Variants in DAB1 observed in about 807,000 individuals in gnomAD.
DAB1 encodes the protein DAB adaptor protein 1, also known as disabled homolog 1.
DAB1 carries 15 observed loss-of-function variants against 64.6 expected under a neutral mutation model. The observed-to-expected ratio is 0.23, with a 90% CI of 0.16 to 0.36. DAB1 has a LOEUF of 0.36. Among genes scored for constraint, DAB1 ranks in the 10% least tolerant of loss-of-function variants. The probability of loss-of-function intolerance (pLI) is 1.00; values close to 1 mark genes in which losing one functional copy is unlikely to be tolerated. For synonymous variants in DAB1, 235 were observed against 251.9 expected, an observed-to-expected ratio of 0.93 and a Z score of 0.64; for missense variants, 596 against 706.7, an observed-to-expected ratio of 0.84 and a Z score of 1.78.
intron 4 of DAB1, among the ~76,000 whole-genome samples, chr1:57,082,720 T>A (rs534949773): frequency 6.6e-6 from 1 of 152,150 alleles, no homozygotes; most frequent in East Asian, 1.9e-4. Context: ...GTTGTTCCCC[T>A]CCCTGTGTCC....
intron 1 of DAB1, among the ~76,000 whole-genome samples, chr1:57,294,058 A>G (rs763738799): frequency 2.0e-5 from 3 of 152,158 alleles, no homozygotes; most frequent in Non-Finnish European, 4.4e-5. Flanking sequence ...TTAATTTTCC[A>G]AAAGGCAGAG....
At chr1:58,100,642 G>A (rs1476626383) in intron 5 of DAB1, among the ~76,000 whole-genome samples, 3 of 152,074 alleles carry the variant, frequency 2.0e-5, no homozygotes, top group Non-Finnish European at 4.4e-5. Context: ...CCACCAAACT[G>A]TTTTCTACCC....
chr1:57,289,571 T>C (rs1443531282), intron 2 of DAB1, among the ~76,000 whole-genome samples: 3 of 152,152 alleles, frequency 2.0e-5, no homozygotes, highest in Non-Finnish European at 4.4e-5. Flanking sequence ...AAAAGCAAAA[T>C]TTATAGTCCT....
chr1:57,590,266 C>A (rs1163853543), intron 7 of DAB1, among the ~76,000 whole-genome samples: 2 of 151,934 alleles, frequency 1.3e-5, no homozygotes, highest in African/African-American at 4.8e-5. Flanking sequence ...GGACTATGGC[C>A]TGAACCTTAT....
chr1:57,995,733 A>G (rs1361907824), intron 5 of DAB1, among the ~76,000 whole-genome samples: 1 of 152,114 alleles, frequency 6.6e-6, no homozygotes, highest in African/African-American at 2.4e-5. Flanking sequence ...AGCGAGTTAC[A>G]GGGTAACCTT....
chr1:57,221,439 A>G (rs1666864394), intron 2 of DAB1, among the ~76,000 whole-genome samples: 1 of 144,200 alleles, frequency 6.9e-6, no homozygotes. Context: ...CATATGTGGC[A>G]TTACAAAAAA....
chr1:57,894,885 C>G (rs1644370908), intron 5 of DAB1, among the ~76,000 whole-genome samples: 1 of 152,094 alleles, frequency 6.6e-6, no homozygotes, highest in Non-Finnish European at 1.5e-5. Context: ...ACAGCCCATT[C>G]AAACTATCCA....
At chr1:57,103,133 A>G (rs1224794232) in intron 4 of DAB1, among the ~76,000 whole-genome samples, 3 of 152,166 alleles carry the variant, frequency 2.0e-5, no homozygotes, top group Non-Finnish European at 2.9e-5. Context: ...AGCTGGAAGC[A>G]CATTATCTAG....
intron 4 of DAB1, among the ~76,000 whole-genome samples, chr1:58,310,015 CT>C (rs1246039091): frequency 1.3e-5 from 2 of 152,108 alleles, no homozygotes; most frequent in African/African-American, 4.8e-5. Flanking sequence ...AAATAATGTG[CT>C]TTTTCCCCCA....
At position 58,487,272 on chromosome 1, in the gene DAB1, A is replaced by G. The variant is rs146047648; in HGVS notation, n.257+18788T>C. 3.7e-4 allele frequency among the ~76,000 whole-genome samples: 57 copies of G among 152,336 alleles called. 1 individual carries two copies. In the East Asian group the frequency reaches 0.011, roughly 29 times the overall value. The stretch of plus-strand genomic sequence containing the variant: ...GGACACAGAAGTGAAGGAAAGAGGA[A>G]CTGAAGATGAGTCCTAAATTTCCTC... On this transcript the variant is annotated intron_variant and non_coding_transcript_variant, in intron 3 of 20. Transcript: ENST00000485760.
chr1:57,563,409 G>A (rs550815341), intron 7 of DAB1, among the ~76,000 whole-genome samples: 2 of 152,180 alleles, frequency 1.3e-5, no homozygotes. Context: ...GAGGTACCAG[G>A]TTTATCTCAC....
intron 2 of DAB1, among the ~76,000 whole-genome samples, chr1:57,148,049 C>A (rs564469967): frequency 3.3e-5 from 5 of 152,276 alleles, no homozygotes; most frequent in African/African-American, 1.2e-4. Flanking sequence ...CAAAACTCAC[C>A]TGGCCCAAAT....
At chr1:57,141,430 G>T (rs1340511516) in intron 3 of DAB1, among the ~76,000 whole-genome samples, 1 of 152,120 alleles carries the variant, frequency 6.6e-6, no homozygotes, top group Non-Finnish European at 1.5e-5. Flanking sequence ...ATTTTGTGTG[G>T]TGAGAAAGGG....
At chr1:57,662,179 C>CTTTG (rs369739263) in intron 6 of DAB1, among the ~76,000 whole-genome samples, 1,863 of 151,780 alleles carry the variant, frequency 0.012, 23 homozygotes, top group Admixed American at 0.025. Flanking sequence ...GAATGTTGTT[C>CTTTG]TTTGTTTGTT....
chr1:58,145,691 C>T (rs532386271), intron 5 of DAB1, among the ~76,000 whole-genome samples: 5 of 152,254 alleles, frequency 3.3e-5, no homozygotes, highest in Admixed American at 2.6e-4. Context: ...ATTAAAAGAG[C>T]AGTCACTCAG....
At chr1:57,799,836 A>C (rs572872920) in intron 6 of DAB1, among the ~76,000 whole-genome samples, 1 of 152,318 alleles carries the variant, frequency 6.6e-6, no homozygotes, top group African/African-American at 2.4e-5. Context: ...ACACAGCCAT[A>C]TTCAGTTGTG....
chr1:58,490,291 G>T (rs1279977745), intron 3 of DAB1, among the ~76,000 whole-genome samples: 1 of 152,168 alleles, frequency 6.6e-6, no homozygotes, highest in Non-Finnish European at 1.5e-5. Context: ...ACTACGTGAC[G>T]AATGCACAAG....
At chr1:57,032,512 TC>T (rs1646996152) in intron 9 of DAB1, among the ~76,000 whole-genome samples, 1 of 152,124 alleles carries the variant, frequency 6.6e-6, no homozygotes, top group African/African-American at 2.4e-5. Context: ...TAGAAGGCTT[TC>T]TGTTTTGCTT....
intron 4 of DAB1, among the ~76,000 whole-genome samples, chr1:57,125,151 C>T (rs1487723000): frequency 1.3e-5 from 2 of 152,194 alleles, no homozygotes; most frequent in African/African-American, 4.8e-5. Flanking sequence ...CCTCTCATCC[C>T]TCAGTTCATC....
Sources: gnomAD v4.1 joint callset for allele counts (sites outside exome capture counted in the v4.1 genomes callset) on GRCh38, gnomAD v4.1.1 for gene constraint, MANE v1.5 for transcripts, NCBI Gene and HGNC (gene_info 2026-07-23, HGNC 2026-07-21) for gene names.